RORA: variants seen among roughly 807,000 people sequenced by gnomAD.
RORA encodes nuclear receptor ROR-alpha.
RORA carries 7 observed loss-of-function variants against 69.5 expected under a neutral mutation model. The ratio of observed to expected loss-of-function variants is 0.10; its 90% CI spans 0.06 to 0.19. The LOEUF (loss-of-function observed/expected upper bound fraction) is 0.19. Ranked by LOEUF, RORA falls within the 10% of genes least tolerant of loss-of-function variation. The pLI, the probability that RORA is intolerant of heterozygous loss-of-function variation, is 1.00. For missense variants in RORA, 457 were observed against 663.0 expected, an observed-to-expected ratio of 0.69 and a Z score of 3.41; for synonymous variants, 261 against 240.8, an observed-to-expected ratio of 1.08 and a Z score of -0.78.
At chr15:60,846,308 G>C (rs2073264669) in intron 1 of RORA, among the ~76,000 whole-genome samples, 1 of 152,142 alleles carries the variant, frequency 6.6e-6, no homozygotes, top group Non-Finnish European at 1.5e-5. Context: ...TCAGAGTGTA[G>C]CACTTGATAG....
intron 1 of RORA, among the ~76,000 whole-genome samples, chr15:61,134,207 A>G (rs61225027): frequency 6.6e-6 from 1 of 152,322 alleles, no homozygotes; most frequent in Admixed American, 6.5e-5. Flanking sequence ...TGGCCAAGCC[A>G]GCCTGAAAGT....
At chr15:60,764,842 C>T (rs998613793) in intron 1 of RORA, 3 of 152,168 alleles carry the variant, frequency 2.0e-5, no homozygotes, top group East Asian at 1.9e-4. Context: ...CCCTTTACCA[C>T]ATTGTACTTG....
At chr15:60,707,740 C>G (rs1168453440) in intron 1 of RORA, among the ~76,000 whole-genome samples, 1 of 152,168 alleles carries the variant, frequency 6.6e-6, no homozygotes, top group Non-Finnish European at 1.5e-5. Context: ...TTAATAACCT[C>G]GTTGACCTCT....
intron 1 of RORA, among the ~76,000 whole-genome samples, chr15:61,064,586 G>T (rs987069699): frequency 6.6e-6 from 1 of 152,122 alleles, no homozygotes; most frequent in Admixed American, 6.5e-5. Flanking sequence ...GGAGCCCAGG[G>T]ATGTGCTCTT....
Position 60,773,138 on chromosome 15 carries a change from T to C in RORA, c.167-94452A>G, listed in dbSNP as rs190803182. On this transcript the variant is annotated intron_variant, in intron 1 of 10. Coordinates refer to ENST00000335670, the MANE Select transcript of RORA (RefSeq NM_134261.3). Reference sequence around the variant, plus strand: ...TTGACAGCTCATTTGCACCTGAAGGTTGTGAGGATGAAGCCTTGATCCATC... The same window carrying C: ...TTGACAGCTCATTTGCACCTGAAGGCTGTGAGGATGAAGCCTTGATCCATC... 7.9e-5 allele frequency among the ~76,000 whole-genome samples: 12 copies of C among 152,256 alleles called. No individual in the cohort carries two copies. The East Asian group carries it at 2.3e-3, about 29-fold the overall frequency.
chr15:60,593,088 G>A (rs1258253235), intron 2 of RORA: 15 of 355,600 alleles, frequency 4.2e-5, no homozygotes, highest in Non-Finnish European at 7.3e-5. Flanking sequence ...GGGACCGTCC[G>A]GGGAGTGGAG....
Position 60,499,927 on chromosome 15 carries a change from G to C in RORA, c.1372C>G (p.Gln458Glu). 1.2e-6 allele frequency: 2 copies of C among 1,612,232 alleles called. No individual in the cohort carries two copies. The highest frequency in any genetic ancestry group is 1.7e-6 in the Non-Finnish European group (2 of 1,178,908). The stretch of plus-strand genomic sequence containing the variant: ...ATTCCATCTTCTCGGTGATTCTTCT[G>C]TAGGACGTGTTGAAGAGCTAGCTGA... ...KIQLALQHVL[Q>E]KNHREDGILT... is the part of the protein sequence containing the mutation. Residue 458 changes from glutamine to glutamate, a missense_variant, in exon 10 of 11, where the codon CAG becomes GAG. By Grantham distance (29) the Gln-to-Glu change is conservative. Around this residue, in one of 3 missense-constraint regions of RORA, gnomAD observed 304 missense variants for 447.4 expected, o/e 0.68. Coordinates refer to ENST00000335670, the MANE Select transcript of RORA (RefSeq NM_134261.3).
Position 60,653,514 on chromosome 15 carries a change from A to G in RORA, c.196+25143T>C, listed in dbSNP as rs566899474. Among the ~76,000 whole-genome samples the G allele has an allele frequency of 2.2e-4, 34 of 152,294 alleles. 1 individual carries two copies. Among genetic ancestry groups the G allele is most frequent in the South Asian group, 4.1e-4 (2 of 4,824 alleles). On this transcript the variant is annotated intron_variant, in intron 2 of 10. Transcript: ENST00000335670. ...CATCACAAAGTGACTGCTATGAATG[A>G]CTGCATGTTGATTGGCCAGGCATGG...
intron 1 of RORA, among the ~76,000 whole-genome samples, chr15:60,840,005 T>C (rs548012477): frequency 5.9e-5 from 9 of 152,158 alleles, no homozygotes; most frequent in Admixed American, 2.6e-4. Context: ...CTGTTGTGGG[T>C]AGCAGGCAGG....
chr15:61,200,128 G>T (rs542835589), intron 1 of RORA, among the ~76,000 whole-genome samples: 1 of 152,240 alleles, frequency 6.6e-6, no homozygotes, highest in Non-Finnish European at 1.5e-5. Flanking sequence ...GAGACACAGA[G>T]AAATCAAAGT....
At chr15:61,117,712 A>G (rs962406153) in intron 1 of RORA, among the ~76,000 whole-genome samples, 1 of 152,236 alleles carries the variant, frequency 6.6e-6, no homozygotes, top group African/African-American at 2.4e-5. Context: ...AAATGCATCA[A>G]TAATTTCAGA....
chr15:61,018,911 A>C (rs1895404558), intron 1 of RORA, among the ~76,000 whole-genome samples: 1 of 152,194 alleles, frequency 6.6e-6, no homozygotes, highest in African/African-American at 2.4e-5. Context: ...TGCCACAGAG[A>C]GTACCTGAAA....
At chr15:61,032,071 G>A (rs772373470) in intron 1 of RORA, among the ~76,000 whole-genome samples, 3 of 152,140 alleles carry the variant, frequency 2.0e-5, no homozygotes, top group Non-Finnish European at 4.4e-5. Flanking sequence ...CTTATTGCAC[G>A]TAAGCATGTA....
intron 1 of RORA, among the ~76,000 whole-genome samples, chr15:60,854,313 CAT>C (rs1415052158): frequency 2.0e-5 from 3 of 151,862 alleles, no homozygotes; most frequent in African/African-American, 7.3e-5. Context: ...CAAATACAAA[CAT>C]AGTTCGAATT....
intron 1 of RORA, among the ~76,000 whole-genome samples, chr15:60,967,619 C>T (rs1201449352): frequency 6.6e-6 from 1 of 152,212 alleles, no homozygotes; most frequent in African/African-American, 2.4e-5. Context: ...AGGAAACAGA[C>T]TTTGGCATTT....
intron 1 of RORA, among the ~76,000 whole-genome samples, chr15:61,171,886 G>A (rs969224178): frequency 2.6e-5 from 4 of 152,284 alleles, no homozygotes; most frequent in East Asian, 1.9e-4. Flanking sequence ...TTGGGACACC[G>A]ATCCTCAACA....
At chr15:61,140,657 C>T (rs137892640) in intron 1 of RORA, among the ~76,000 whole-genome samples, 18 of 151,762 alleles carry the variant, frequency 1.2e-4, no homozygotes, top group Non-Finnish European at 2.4e-4. Context: ...CAAGGAATAG[C>T]AATGTGGAGA....
intron 1 of RORA, among the ~76,000 whole-genome samples, chr15:61,094,973 T>G (rs962371973): frequency 2.0e-5 from 3 of 152,214 alleles, no homozygotes; most frequent in African/African-American, 7.2e-5. Flanking sequence ...TGCATCTTCT[T>G]GAGAGCCCAT....
intron 2 of RORA, among the ~76,000 whole-genome samples, chr15:60,588,448 T>TCATCCATC (rs55840229): frequency 0.34 from 51,764 of 150,520 alleles, 9,036 homozygotes; most frequent in East Asian, 0.47. Flanking sequence ...GCAAATCTAT[T>TCATCCATC]CATCCATCCA....
Sources: gnomAD v4.1 joint callset for allele counts (sites outside exome capture counted in the v4.1 genomes callset) on GRCh38, gnomAD v4.1.1 for gene constraint, gnomAD v4.1.1 regional missense constraint, MANE v1.5 for transcripts, NCBI Gene and HGNC (gene_info 2026-07-23, HGNC 2026-07-21) for gene names.